AJAP1: variants seen among roughly 807,000 people sequenced by gnomAD.
AJAP1 encodes the protein adherens junction-associated protein 1.
In AJAP1, 5 loss-of-function variants were observed where a neutral mutation model predicts 35.0. The ratio of observed to expected loss-of-function variants is 0.14; its 90% CI spans 0.07 to 0.30. AJAP1 has a LOEUF of 0.30. Ranked by LOEUF, AJAP1 falls within the 10% of genes least tolerant of loss-of-function variation. AJAP1 has a pLI of 1.00. For synonymous variants in AJAP1, 284 were observed against 249.3 expected, an observed-to-expected ratio of 1.14 and a Z score of -1.31; for missense variants, 586 against 571.0, an observed-to-expected ratio of 1.03 and a Z score of -0.27.
At chr1:4,775,951 C>T (rs372016653) in intron 5 of AJAP1, among the ~76,000 whole-genome samples, 5 of 152,320 alleles carry the variant, frequency 3.3e-5, no homozygotes, top group East Asian at 1.9e-4. Context: ...CAGTGTAGTC[C>T]GCGACCCGCC....
intron 2 of AJAP1, among the ~76,000 whole-genome samples, chr1:4,765,405 C>T (rs1197811767): frequency 2.0e-5 from 3 of 151,938 alleles, no homozygotes; most frequent in African/African-American, 4.8e-5. Context: ...GACAGGTGTT[C>T]CTGCCCGAGG....
At chr1:4,761,299 G>A (rs1459941824) in intron 2 of AJAP1, among the ~76,000 whole-genome samples, 1 of 152,206 alleles carries the variant, frequency 6.6e-6, no homozygotes, top group East Asian at 1.9e-4. Context: ...GCAGCTGGGT[G>A]GCATGGGGTC....
At chr1:4,670,581 G>A (rs766093386) in intron 1 of AJAP1, among the ~76,000 whole-genome samples, 4 of 152,180 alleles carry the variant, frequency 2.6e-5, no homozygotes, top group Admixed American at 6.5e-5. Context: ...TGGAAGCAGC[G>A]TTCTTGCTGG....
chr1:4,789,023 A>G lies in AJAP1; in HGVS notation c.*6538A>G, dbSNP rs182963038. The G allele has an allele frequency of 3.2e-4, 49 of 152,326 alleles. No individual in the cohort carries two copies. The highest frequency in any genetic ancestry group is 9.9e-4 in the African/African-American group (41 of 41,564). The allele number at this position is 152,326 out of a possible 1,614,324, so 9.4% of individuals were successfully genotyped here. ...TTCCTCGTGAAGGATTCCCTGCTAA[A>G]TGTTCTAAGAGTTACTGTACATAGA... On this transcript the variant is annotated 3_prime_UTR_variant, in exon 6 of 6. Transcript: ENST00000378191. The surrounding 1 kb of genome is among the most constrained non-coding windows in gnomAD (Gnocchi z 4.4).
intron 2 of AJAP1, among the ~76,000 whole-genome samples, chr1:4,754,845 T>A (rs1302189977): frequency 6.7e-6 from 1 of 149,466 alleles, no homozygotes; most frequent in Non-Finnish European, 1.5e-5. Flanking sequence ...TGGGTCCTCC[T>A]TCCTGCTCTC....
At chr1:4,719,441 G>T (rs1383144318) in intron 2 of AJAP1, among the ~76,000 whole-genome samples, 1 of 152,106 alleles carries the variant, frequency 6.6e-6, no homozygotes, top group South Asian at 2.1e-4. Context: ...TTCATCAATC[G>T]CCCAATTGTT....
intron 1 of AJAP1, among the ~76,000 whole-genome samples, chr1:4,707,700 T>G (rs1640129420): frequency 6.6e-6 from 1 of 152,112 alleles, no homozygotes; most frequent in Admixed American, 6.5e-5. Flanking sequence ...TTGACTGTTG[T>G]GAGTTGTGAG....
rs1405561014 is a variant in AJAP1, at chr1:4,783,141, T to TA, written c.*658dup. On this transcript the variant is annotated 3_prime_UTR_variant, in exon 6 of 6. Coordinates refer to ENST00000378191, the MANE Select transcript of AJAP1 (RefSeq NM_018836.4). ...TATAGGTTACAAAATCTGATTTATT[T>TA]AACATGCTTAGTATGAGCAGAATAA... 1.8e-5 allele frequency: 5 copies of TA among 280,356 alleles called. No homozygotes were observed. The highest frequency in any genetic ancestry group is 6.5e-5 in the African/African-American group (3 of 46,272). The allele number at this position is 280,356 out of a possible 1,614,324, so 17.4% of individuals were successfully genotyped here.
chr1:4,757,181 A>T (rs1253475861), intron 2 of AJAP1, among the ~76,000 whole-genome samples: 2 of 152,144 alleles, frequency 1.3e-5, no homozygotes, highest in African/African-American at 2.4e-5. Context: ...CTCTCAGAAG[A>T]TCCTTTCCTT....
At chr1:4,714,548 T>C (rs752097034) in intron 2 of AJAP1, among the ~76,000 whole-genome samples, 5 of 152,220 alleles carry the variant, frequency 3.3e-5, no homozygotes, top group Admixed American at 6.5e-5. Context: ...GGGACAGCGT[T>C]GTAGGCTTAG....
chr1:4,719,901 A>G (rs1225959731), intron 2 of AJAP1, among the ~76,000 whole-genome samples: 2 of 152,136 alleles, frequency 1.3e-5, no homozygotes, highest in Non-Finnish European at 2.9e-5. Flanking sequence ...GTCTATGTAC[A>G]CAGGCAAGCT....
chr1:4,706,000 G>C (rs1477323128), intron 1 of AJAP1, among the ~76,000 whole-genome samples: 1 of 152,124 alleles, frequency 6.6e-6, no homozygotes, highest in East Asian at 1.9e-4. Context: ...GCAACTCTCT[G>C]GGCTCTTTTG....
intron 2 of AJAP1, among the ~76,000 whole-genome samples, chr1:4,764,018 A>T (rs1009340896): frequency 6.6e-6 from 1 of 151,934 alleles, no homozygotes; most frequent in Non-Finnish European, 1.5e-5. Flanking sequence ...TGTGGTGTAG[A>T]TGGAGCTGGG....
At chr1:4,702,594 G>A (rs953220165) in intron 1 of AJAP1, among the ~76,000 whole-genome samples, 9 of 152,178 alleles carry the variant, frequency 5.9e-5, no homozygotes, top group African/African-American at 9.7e-5. Flanking sequence ...GGGCCAGACC[G>A]CTGTCATGGT....
Position 4,763,705 on chromosome 1 carries a change from C to T in AJAP1, c.830-6148C>T, listed in dbSNP as rs527582094. 2.9e-3 allele frequency among the ~76,000 whole-genome samples: 447 copies of T among 151,942 alleles called. 1 individual carries two copies. Among genetic ancestry groups the T allele is most frequent in the African/African-American group, 0.01 (426 of 41,410 alleles). ...ACAAAGAAAGGGCAAATTCTCTTCTCTCCCTCTCCCTCCCTCCTCTCCCTC... is the reference window on the plus strand; with the variant it reads ...ACAAAGAAAGGGCAAATTCTCTTCTTTCCCTCTCCCTCCCTCCTCTCCCTC... On this transcript the variant is annotated intron_variant, in intron 2 of 5. Transcript: ENST00000378191.
chr1:4,735,967 C>T (rs1020811889), intron 2 of AJAP1, among the ~76,000 whole-genome samples: 8 of 152,182 alleles, frequency 5.3e-5, no homozygotes, highest in African/African-American at 1.4e-4. Context: ...AGAGGGTTGG[C>T]GCTGAGGTTC....
intron 1 of AJAP1, among the ~76,000 whole-genome samples, chr1:4,703,131 T>G (rs749104017): frequency 4.6e-5 from 7 of 152,190 alleles, no homozygotes; most frequent in Non-Finnish European, 8.8e-5. Flanking sequence ...TTCAATCATA[T>G]TAAATCAAGA....
intron 1 of AJAP1, among the ~76,000 whole-genome samples, chr1:4,701,935 A>G (rs1209312949): frequency 6.6e-6 from 1 of 151,912 alleles, no homozygotes; most frequent in African/African-American, 2.4e-5. Context: ...TCCTCCCCCA[A>G]CACCCCGCCA....
intron 1 of AJAP1, among the ~76,000 whole-genome samples, chr1:4,657,838 C>T (rs1396143987): frequency 6.6e-6 from 1 of 151,838 alleles, no homozygotes; most frequent in African/African-American, 2.4e-5. Context: ...CTTTTCCCCC[C>T]AAGAGGGAGA....
Sources: allele counts gnomAD v4.1 joint callset (sites outside exome capture counted in the v4.1 genomes callset), GRCh38; gene constraint gnomAD v4.1.1; non-coding constraint Gnocchi (gnomAD v3.1); transcripts MANE v1.5; gene names NCBI Gene and HGNC (gene_info 2026-07-23, HGNC 2026-07-21).